The following ZSCAN25 variants were observed in gnomAD, a reference collection of about 807,000 sequenced individuals.
The protein encoded by ZSCAN25 is zinc finger and SCAN domain-containing protein 25.
In ZSCAN25, 27 loss-of-function variants were observed where a neutral mutation model predicts 38.7. The ratio of observed to expected loss-of-function variants is 0.70; its 90% CI spans 0.51 to 0.96. The LOEUF (loss-of-function observed/expected upper bound fraction) is 0.96. ZSCAN25 is among the 40% of genes least tolerant of loss of function. The pLI is 0.00. For synonymous variants in ZSCAN25, 273 were observed against 277.7 expected, an observed-to-expected ratio of 0.98 and a Z score of 0.17; for missense variants, 637 against 705.9, an observed-to-expected ratio of 0.90 and a Z score of 1.11.
At chr7:99,638,713 A>G in the ZSCAN25 span, 2 of 1,321,526 alleles carry the variant, frequency 1.5e-6, no homozygotes, top group African/African-American at 1.4e-5. Context: ...CAGGCGCAAC[A>G]TGAGGATCCA....
At chr7:99,665,792 G>A in the ZSCAN25 span, among the ~76,000 whole-genome samples, 1 of 152,190 alleles carries the variant, frequency 6.6e-6, no homozygotes, top group Non-Finnish European at 1.5e-5. Context: ...TGAGTTCCTA[G>A]AAATATCATC....
chr7:99,707,064 A>G, the ZSCAN25 span, among the ~76,000 whole-genome samples: 1 of 152,230 alleles, frequency 6.6e-6, no homozygotes, highest in African/African-American at 2.4e-5. Flanking sequence ...TCAAGAAGAC[A>G]CCTTGGAGGG....
the ZSCAN25 span, among the ~76,000 whole-genome samples, chr7:99,730,314 T>C: frequency 1.3e-5 from 2 of 152,204 alleles, no homozygotes; most frequent in Non-Finnish European, 2.9e-5. Flanking sequence ...AACCCATGAA[T>C]TCATATTGTG....
the ZSCAN25 span, among the ~76,000 whole-genome samples, chr7:99,716,612 G>T: frequency 2.6e-5 from 4 of 152,162 alleles, no homozygotes; most frequent in African/African-American, 4.8e-5. Flanking sequence ...TACACCTGTT[G>T]TTCCTGCATA....
chr7:99,680,073 A>T, the ZSCAN25 span: 2 of 617,662 alleles, frequency 3.2e-6, no homozygotes, highest in Non-Finnish European at 5.8e-6. Context: ...ATAGCAAAGA[A>T]TCGCACACAC....
chr7:99,638,404 T>C, the ZSCAN25 span: 2 of 1,591,338 alleles, frequency 1.3e-6, no homozygotes, highest in Non-Finnish European at 8.6e-7. Flanking sequence ...TCCTGCTTGT[T>C]GGTGAAGATG....
chr7:99,695,815 A>C, the ZSCAN25 span: 2 of 1,613,622 alleles, frequency 1.2e-6, no homozygotes, highest in Non-Finnish European at 1.7e-6. Flanking sequence ...GCTTCTTAAA[A>C]AGTCCATGTG....
chr7:99,704,775 AAC>A, the ZSCAN25 span, among the ~76,000 whole-genome samples: 4 of 151,994 alleles, frequency 2.6e-5, no homozygotes, highest in Non-Finnish European at 4.4e-5. Context: ...CATCCTGGCT[AAC>A]ACAGTGAAAC....
the ZSCAN25 span, among the ~76,000 whole-genome samples, chr7:99,687,001 T>G: frequency 2.0e-5 from 3 of 151,976 alleles, no homozygotes; most frequent in Non-Finnish European, 2.9e-5. Flanking sequence ...AGAAAGGACA[T>G]CCACACCAAA....
At chr7:99,637,869 A>C in the ZSCAN25 span, among the ~76,000 whole-genome samples, 2 of 152,226 alleles carry the variant, frequency 1.3e-5, no homozygotes, top group Non-Finnish European at 2.9e-5. Flanking sequence ...AGTGATAAGG[A>C]AACTGGACAA....
chr7:99,690,568 A>G, the ZSCAN25 span, among the ~76,000 whole-genome samples: 1 of 152,212 alleles, frequency 6.6e-6, no homozygotes, highest in African/African-American at 2.4e-5. Flanking sequence ...GCTAATATCC[A>G]GAATCTACAA....
the ZSCAN25 span, chr7:99,717,101 G>A: frequency 5.1e-5 from 81 of 1,590,894 alleles, no homozygotes; most frequent in East Asian, 1.3e-4. Context: ...ACCCAACAGC[G>A]GGAGTATCAG....
chr7:99,636,475 G>A (rs13307312), downstream of ZSCAN25, among the ~76,000 whole-genome samples: 1 of 151,994 alleles, frequency 6.6e-6, no homozygotes, highest in Admixed American at 6.6e-5. Flanking sequence ...CTTCTCATAC[G>A]TCTTTGGTAA....
At chr7:99,715,748 G>A in the ZSCAN25 span, 2 of 1,613,614 alleles carry the variant, frequency 1.2e-6, no homozygotes, top group Non-Finnish European at 1.7e-6. Context: ...GGAAATAGTA[G>A]TCCACATACT....
At chr7:99,669,108 A>G in the ZSCAN25 span, among the ~76,000 whole-genome samples, 38 of 152,348 alleles carry the variant, frequency 2.5e-4, no homozygotes, top group African/African-American at 8.7e-4. Flanking sequence ...GGCTTCCACA[A>G]TGTCTTAAAA....
chr7:99,683,568 A>G, the ZSCAN25 span, among the ~76,000 whole-genome samples: 1 of 152,006 alleles, frequency 6.6e-6, no homozygotes, highest in African/African-American at 2.4e-5. Context: ...TACTTTATTT[A>G]CTTATTTCAT....
the ZSCAN25 span, among the ~76,000 whole-genome samples, chr7:99,690,606 A>C: frequency 6.6e-6 from 1 of 152,036 alleles, no homozygotes; most frequent in Admixed American, 6.5e-5. Context: ...ACAAGAAAAA[A>C]ACAACCCCAT....
At chr7:99,700,637 C>T in the ZSCAN25 span, among the ~76,000 whole-genome samples, 2 of 152,204 alleles carry the variant, frequency 1.3e-5, no homozygotes, top group African/African-American at 4.8e-5. Flanking sequence ...TTCCTCTCTA[C>T]CACCCTTGTG....
chr7:99,716,272 C>A, the ZSCAN25 span, among the ~76,000 whole-genome samples: 2 of 152,146 alleles, frequency 1.3e-5, no homozygotes, highest in Non-Finnish European at 2.9e-5. Context: ...TAGAAAAATT[C>A]ACTCTTTCTA....
Sources: gnomAD v4.1 joint callset for allele counts (sites outside exome capture counted in the v4.1 genomes callset) on GRCh38, gnomAD v4.1.1 for gene constraint, MANE v1.5 for transcripts, NCBI Gene and HGNC (gene_info 2026-07-23, HGNC 2026-07-21) for gene names.